INPP4B: variants seen among roughly 807,000 people sequenced by gnomAD.
INPP4B encodes inositol polyphosphate-4-phosphatase type II B.
Under a neutral mutation model 122.5 loss-of-function variants are expected in INPP4B, and 55 were observed. The observed-to-expected ratio is 0.45, with a 90% CI of 0.36 to 0.56. The LOEUF (loss-of-function observed/expected upper bound fraction) is 0.56. INPP4B is among the 20% of genes least tolerant of loss of function. INPP4B has a pLI of 0.00. For synonymous variants in INPP4B, 403 were observed against 388.7 expected, an observed-to-expected ratio of 1.04 and a Z score of -0.43; for missense variants, 1,000 against 1,097.7, an observed-to-expected ratio of 0.91 and a Z score of 1.26.
intron 14 of INPP4B, among the ~76,000 whole-genome samples, chr4:142,195,139 C>T (rs977208576): frequency 3.9e-5 from 6 of 152,208 alleles, no homozygotes; most frequent in Non-Finnish European, 8.8e-5. Flanking sequence ...ACTCTGCCAT[C>T]TGCAACAAAA....
chr4:142,453,810 AAATTT>A (rs1188488366), intron 3 of INPP4B, among the ~76,000 whole-genome samples: 1 of 152,198 alleles, frequency 6.6e-6, no homozygotes, highest in Non-Finnish European at 1.5e-5. Context: ...TGAAAAATAA[AAATTT>A]AACTGCTAAA....
At chr4:142,508,093 G>A (rs1356770588) in intron 2 of INPP4B, among the ~76,000 whole-genome samples, 2 of 151,992 alleles carry the variant, frequency 1.3e-5, no homozygotes, top group Non-Finnish European at 2.9e-5. Context: ...TTACAACCAA[G>A]GAACATCCTC....
intron 18 of INPP4B, among the ~76,000 whole-genome samples, chr4:142,131,902 C>G (rs1801463637): frequency 6.6e-6 from 1 of 151,874 alleles, no homozygotes; most frequent in Admixed American, 6.6e-5. Context: ...TTGCAGTGAG[C>G]CAAGATTGCA....
chr4:142,418,565 A>G (rs1259199748), intron 5 of INPP4B, among the ~76,000 whole-genome samples: 2 of 151,932 alleles, frequency 1.3e-5, no homozygotes, highest in Non-Finnish European at 2.9e-5. Context: ...AGATCAGGCA[A>G]ATGTTCTCTG....
chr4:142,653,855 C>T (rs546583100), intron 2 of INPP4B, among the ~76,000 whole-genome samples: 8 of 152,128 alleles, frequency 5.3e-5, no homozygotes, highest in South Asian at 2.1e-4. Flanking sequence ...TTTGACCCAG[C>T]GATCGCATTC....
At chr4:142,434,449 T>A (rs1341283992) in intron 3 of INPP4B, among the ~76,000 whole-genome samples, 1 of 152,100 alleles carries the variant, frequency 6.6e-6, no homozygotes, top group African/African-American at 2.4e-5. Flanking sequence ...GTGGAAACAT[T>A]GAACTTTCTA....
chr4:142,720,801 C>CTATATATA (rs1323800095), intron 2 of INPP4B, among the ~76,000 whole-genome samples: 22 of 22,358 alleles, frequency 9.8e-4, no homozygotes, highest in East Asian at 3.3e-3. Flanking sequence ...CTCTCTCTCT[C>CTATATATA]TCTCTCTCTA....
chr4:142,367,323 G>A (rs1197626550), intron 7 of INPP4B, among the ~76,000 whole-genome samples: 2 of 151,410 alleles, frequency 1.3e-5, no homozygotes, highest in Non-Finnish European at 2.9e-5. Context: ...ACTTTTTTAG[G>A]ACACAATTCC....
intron 9 of INPP4B, among the ~76,000 whole-genome samples, chr4:142,299,867 A>G (rs1408463340): frequency 6.6e-6 from 1 of 152,054 alleles, no homozygotes. Flanking sequence ...ACACATGACT[A>G]TTAAGGGGCT....
At chr4:142,581,085 G>T (rs765869969) in intron 2 of INPP4B, among the ~76,000 whole-genome samples, 1 of 151,930 alleles carries the variant, frequency 6.6e-6, no homozygotes, top group Non-Finnish European at 1.5e-5. Flanking sequence ...GCAAAAGAGT[G>T]CCATCTTTTG....
chr4:142,455,809 G>A (rs1815293279), intron 3 of INPP4B, among the ~76,000 whole-genome samples: 1 of 151,914 alleles, frequency 6.6e-6, no homozygotes, highest in East Asian at 1.9e-4. Context: ...ATTCTTGCCA[G>A]CATTTGTTAT....
At chr4:142,775,726 T>A (rs575101777) in intron 1 of INPP4B, among the ~76,000 whole-genome samples, 3 of 152,186 alleles carry the variant, frequency 2.0e-5, no homozygotes, top group Non-Finnish European at 2.9e-5. Context: ...ATTTAAAAAA[T>A]CAGATTGTTT....
At chr4:142,576,660 T>C (rs574941577) in intron 2 of INPP4B, among the ~76,000 whole-genome samples, 2 of 152,116 alleles carry the variant, frequency 1.3e-5, no homozygotes, top group South Asian at 4.1e-4. Context: ...TTACACCTTT[T>C]AAACCAAAAG....
chr4:142,268,322 C>CAAAAAAAAAAAAAAAAAAAA (rs56908599), intron 10 of INPP4B, among the ~76,000 whole-genome samples: 607 of 6,898 alleles, frequency 0.088, 264 homozygotes, highest in Non-Finnish European at 0.19. Flanking sequence ...GACTCCGTCT[C>CAAAAAAAAAAAAAAAAAAAA]AAAAAAAAAA....
At chr4:142,739,926 T>G (rs751619541) in intron 1 of INPP4B, among the ~76,000 whole-genome samples, 13 of 152,032 alleles carry the variant, frequency 8.6e-5, no homozygotes, top group Non-Finnish European at 1.3e-4. Flanking sequence ...AAAAGAGACA[T>G]GAAGAACAAT....
chr4:142,154,040 T>C (rs1815845776), intron 17 of INPP4B, among the ~76,000 whole-genome samples: 1 of 152,102 alleles, frequency 6.6e-6, no homozygotes, highest in African/African-American at 2.4e-5. Context: ...TTCCCATCCA[T>C]CAAGAAAACA....
At chr4:142,750,234 T>G (rs1327317394) in intron 1 of INPP4B, among the ~76,000 whole-genome samples, 2 of 151,916 alleles carry the variant, frequency 1.3e-5, no homozygotes, top group Non-Finnish European at 2.9e-5. Flanking sequence ...TACAAAATAT[T>G]TAGGGAATAT....
At chr4:142,489,277 A>T (rs575884242) in intron 2 of INPP4B, among the ~76,000 whole-genome samples, 2 of 152,288 alleles carry the variant, frequency 1.3e-5, no homozygotes, top group Admixed American at 1.3e-4. Flanking sequence ...ATGGCCCAGC[A>T]TGTGCTCTAT....
At chr4:142,526,019 G>T (rs1237539886) in intron 2 of INPP4B, among the ~76,000 whole-genome samples, 1 of 152,002 alleles carries the variant, frequency 6.6e-6, no homozygotes, top group Admixed American at 6.6e-5. Context: ...AATTTGTCTG[G>T]CACGATTTCA....
Sources: allele counts gnomAD v4.1 joint callset (sites outside exome capture counted in the v4.1 genomes callset), GRCh38; gene constraint gnomAD v4.1.1; transcripts MANE v1.5; gene names NCBI Gene and HGNC (gene_info 2026-07-23, HGNC 2026-07-21).